ARHGEF10: variants seen among roughly 807,000 people sequenced by gnomAD.
ARHGEF10 encodes Rho guanine nucleotide exchange factor (GEF) 10.
A neutral mutation model predicts 147.4 loss-of-function variants in ARHGEF10; 140 were observed. The observed-to-expected ratio is 0.95, with a 90% CI of 0.83 to 1.09. The LOEUF (loss-of-function observed/expected upper bound fraction) is 1.09. Among genes scored for constraint, ARHGEF10 ranks in the 50% least tolerant of loss-of-function variants. The pLI, the probability that ARHGEF10 is intolerant of heterozygous loss-of-function variation, is 0.00. For synonymous variants in ARHGEF10, 902 were observed against 695.8 expected, an observed-to-expected ratio of 1.30 and a Z score of -4.67; for missense variants, 2,222 against 1,752.7, an observed-to-expected ratio of 1.27 and a Z score of -4.78.
At position 1,824,458 on chromosome 8, in the gene ARHGEF10, T is replaced by G. The variant is rs980692575; in HGVS notation, c.-48+345T>G. Among the ~76,000 whole-genome samples the G allele has an allele frequency of 2.9e-4, 44 of 152,022 alleles. 1 individual carries two copies. The highest frequency in any genetic ancestry group is 1.1e-3 in the African/African-American group (44 of 41,422). ...TCGCCTGGGGGGTCGTGCAGTAACTTAGATTTTCCGGTAAAGGAGAAGAAT... is the reference window on the plus strand; with the variant it reads ...TCGCCTGGGGGGTCGTGCAGTAACTGAGATTTTCCGGTAAAGGAGAAGAAT... On this transcript the variant is annotated intron_variant, in intron 1 of 28. Transcript: ENST00000349830.
At chr8:1,825,991 G>C (rs2129028714) in intron 1 of ARHGEF10, 1 of 803,158 alleles carries the variant, frequency 1.2e-6, no homozygotes, top group Non-Finnish European at 2.0e-6. Flanking sequence ...TGATTACTGA[G>C]GTTTACACGT....
chr8:1,952,782 G>A lies in ARHGEF10; in HGVS notation c.3475G>A (p.Val1159Met), dbSNP rs370742932. Residue 1159 changes from valine (V) to methionine (M), a missense_variant, in exon 28 of 29, where the codon GTG (valine) becomes ATG (methionine). Physicochemically the swap from Val to Met is conservative, Grantham distance 21. Transcript: ENST00000349830. The stretch of plus-strand genomic sequence containing the variant: ...GGTCGGCACCAGCCTGGGAGTCCTC[G>A]TGGCCCTGCCGGTCCCACGTCTGCA... ...LMVGTSLGVL[V>M]ALPVPRLQGI... The A allele has an allele frequency of 1.6e-4, 266 of 1,613,532 alleles. No homozygotes were observed. Among genetic ancestry groups the A allele is most frequent in the Admixed American group, 3.3e-4 (20 of 60,006 alleles).
chr8:1,876,644 G>T lies in ARHGEF10; in HGVS notation c.753G>T (p.Ser251=), dbSNP rs756210812. 2.5e-6 allele frequency: 4 copies of T among 1,614,098 alleles called. No homozygotes were observed. In the East Asian group the frequency reaches 8.9e-5, roughly 36 times the overall value. Reference sequence around the variant, plus strand: ...GCTCCTTGGAATACGGATGGAGTTCGAGTGAATTTGAAAGTTACGAAGAGC... The same window carrying T: ...GCTCCTTGGAATACGGATGGAGTTCTAGTGAATTTGAAAGTTACGAAGAGC... ...GNSSLEYGWS[S]SEFESYEEQS... Residue 251 remains serine, a synonymous_variant, in exon 8 of 29, where the codon TCG becomes TCT. Transcript: ENST00000349830.
intron 11 of ARHGEF10, among the ~76,000 whole-genome samples, chr8:1,888,180 GGGTGAGGGTTTGCGAGGAGACACTT>G (rs1563233763): frequency 5.0e-5 from 3 of 60,082 alleles, no homozygotes; most frequent in African/African-American, 3.5e-4. Context: ...ACAGTGAGTG[GGGTGAGGGTTTGCGAGGAGACACTT>G]AGTGGGGCGA....
At chr8:1,905,483 CCT>C in intron 16 of ARHGEF10, 86 bp from the exon 17 acceptor site, 1 of 1,547,152 alleles carries the variant, frequency 6.5e-7, no homozygotes, top group Non-Finnish European at 8.9e-7. Context: ...GAAAAGTCAC[CCT>C]GAGACTCCAT....
intron 1 of ARHGEF10, among the ~76,000 whole-genome samples, chr8:1,838,585 C>G (rs893685362): frequency 6.6e-6 from 1 of 152,278 alleles, no homozygotes; most frequent in African/African-American, 2.4e-5. Context: ...CTCTTCAGCA[C>G]AGTTGGTGTT....
chr8:1,828,792 C>T (rs1343701708), intron 1 of ARHGEF10, among the ~76,000 whole-genome samples: 1 of 151,556 alleles, frequency 6.6e-6, no homozygotes, highest in African/African-American at 2.4e-5. Context: ...TAAGGAATTA[C>T]ATTTTGATAA....
At chr8:1,830,883 C>G (rs1220870144) in intron 1 of ARHGEF10, among the ~76,000 whole-genome samples, 2 of 152,226 alleles carry the variant, frequency 1.3e-5, no homozygotes, top group Non-Finnish European at 1.5e-5. Flanking sequence ...TGAAATGCCA[C>G]TGGAGCCGAG....
intron 26 of ARHGEF10, chr8:1,943,463 G>C (rs940874305): frequency 3.3e-5 from 5 of 152,196 alleles, no homozygotes; most frequent in African/African-American, 1.2e-4. Context: ...AGAGGGAGGA[G>C]GGATCAAAAA....
chr8:1,943,711 T>C (rs1470589025), intron 26 of ARHGEF10: 5 of 152,202 alleles, frequency 3.3e-5, no homozygotes, highest in Non-Finnish European at 7.3e-5. Context: ...TCCTTTGCAA[T>C]TGTGAGCACC....
At chr8:1,924,390 T>G (rs539121371) in intron 21 of ARHGEF10, among the ~76,000 whole-genome samples, 29 of 152,346 alleles carry the variant, frequency 1.9e-4, no homozygotes, top group African/African-American at 6.5e-4. Context: ...TCTTCAGCCT[T>G]GATTATTTTT....
intron 27 of ARHGEF10, among the ~76,000 whole-genome samples, chr8:1,952,264 G>A (rs966035647): frequency 2.0e-5 from 3 of 152,186 alleles, no homozygotes; most frequent in African/African-American, 7.2e-5. Flanking sequence ...GAGTCCAGCC[G>A]CGCCCATTAA....
chr8:1,904,701 G>C (rs1281060939), intron 16 of ARHGEF10, among the ~76,000 whole-genome samples: 1 of 152,152 alleles, frequency 6.6e-6, no homozygotes, highest in Non-Finnish European at 1.5e-5. Context: ...CGTGCACTTG[G>C]CAGGGACATT....
chr8:1,855,227 G>C (rs1805461431), intron 2 of ARHGEF10, among the ~76,000 whole-genome samples: 1 of 152,154 alleles, frequency 6.6e-6, no homozygotes. Flanking sequence ...CTCATGTCTA[G>C]GTGTATTTTA....
intron 2 of ARHGEF10, among the ~76,000 whole-genome samples, chr8:1,854,877 G>A (rs941046380): frequency 6.6e-6 from 1 of 152,168 alleles, no homozygotes; most frequent in Admixed American, 6.5e-5. Context: ...CTCCGAGAAC[G>A]CATGCGGTTC....
At chr8:1,956,662 G>C (rs1040391321) in intron 28 of ARHGEF10, 87 bp from the exon 29 acceptor site, 1 of 1,450,832 alleles carries the variant, frequency 6.9e-7, no homozygotes, top group Non-Finnish European at 9.7e-7. Flanking sequence ...GGAGGAATGC[G>C]TTGGGGTTAA....
intron 7 of ARHGEF10, among the ~76,000 whole-genome samples, chr8:1,872,270 G>T (rs1272218484): frequency 6.6e-6 from 1 of 152,198 alleles, no homozygotes; most frequent in Non-Finnish European, 1.5e-5. Flanking sequence ...TGAATGGTTT[G>T]CTTAACTACT....
At chr8:1,869,454 C>A in intron 7 of ARHGEF10, 1 of 688,968 alleles carries the variant, frequency 1.5e-6, no homozygotes. Flanking sequence ...TGAAATAGGG[C>A]AGTTTAATCT....
rs779682833 is a variant in ARHGEF10, at chr8:1,952,713, C to T, written c.3406C>T (p.Arg1136Trp). The change falls in exon 28 of 29, where the codon CGG becomes TGG. Residue 1136 changes from arginine to tryptophan, a missense_variant. Physicochemically the swap from Arg to Trp is moderately radical, Grantham distance 101. Transcript: ENST00000349830. ...PVHNMLPGHQRLSVTSLLVCH... is the reference protein window; with the variant it reads ...PVHNMLPGHQWLSVTSLLVCH... ...CATGTCTTTCCGCCCAGGGCACCAG[C>T]GGCTGTCGGTGACGAGCCTGCTCGT... 6.8e-6 allele frequency: 11 copies of T among 1,612,608 alleles called. No individual in the cohort carries two copies. The highest frequency in any genetic ancestry group is 1.7e-4 in the Middle Eastern group (1 of 6,052).
Sources: allele counts gnomAD v4.1 joint callset (sites outside exome capture counted in the v4.1 genomes callset), GRCh38; gene constraint gnomAD v4.1.1; transcripts MANE v1.5; gene names NCBI Gene and HGNC (gene_info 2026-07-23, HGNC 2026-07-21).